The following KANK1 variants were observed in gnomAD, a reference collection of about 807,000 sequenced individuals.
KANK1 encodes KN motif and ankyrin repeat domain-containing protein 1.
Under a neutral mutation model 106.2 loss-of-function variants are expected in KANK1, and 109 were observed. That is an observed-to-expected ratio of 1.03 (90% confidence interval 0.88 to 1.20). The LOEUF is 1.20. Among genes scored for constraint, KANK1 ranks in the 50% most tolerant of loss-of-function variants. The pLI, the probability that KANK1 is intolerant of heterozygous loss-of-function variation, is 0.00. For missense variants in KANK1, 2,399 were observed against 1,710.7 expected, an observed-to-expected ratio of 1.40 and a Z score of -7.10; for synonymous variants, 873 against 652.2, an observed-to-expected ratio of 1.34 and a Z score of -5.16.
At chr9:710,137 G>A (rs898051293) in intron 2 of KANK1, among the ~76,000 whole-genome samples, 2 of 152,040 alleles carry the variant, frequency 1.3e-5, no homozygotes, top group Non-Finnish European at 2.9e-5. Flanking sequence ...TACACTAGAA[G>A]CTCAAAGCTC....
Position 745,426 on chromosome 9 carries a change from G to A in KANK1, c.*191G>A, listed in dbSNP as rs899382256. On this transcript the variant is annotated 3_prime_UTR_variant, in exon 12 of 12. Transcript: ENST00000382297. ...GCCTGGGCACACACACCTCCTTTCTGGCCGTCTTCTGTGTAGGGCACACTT... is the reference window on the plus strand; with the variant it reads ...GCCTGGGCACACACACCTCCTTTCTAGCCGTCTTCTGTGTAGGGCACACTT... The A allele has an allele frequency of 1.2e-5, 7 of 594,530 alleles. No individual in the cohort carries two copies. The highest frequency in any genetic ancestry group is 1.8e-5 in the Non-Finnish European group (6 of 340,150). 36.8% of individuals were successfully genotyped at this position (594,530 alleles called of 1,614,324 possible).
intron 1 of KANK1, among the ~76,000 whole-genome samples, chr9:551,814 A>G (rs541573256): frequency 6.6e-5 from 10 of 152,136 alleles, no homozygotes; most frequent in Admixed American, 5.9e-4. Context: ...TTGAGAGGCC[A>G]AGGCAGGAGG....
intron 11 of KANK1, 49 bp downstream of exon 11, chr9:744,638 C>T: frequency 6.2e-7 from 1 of 1,613,912 alleles, no homozygotes. Flanking sequence ...ATCCACCAGA[C>T]TGGTGGACCC....
chr9:591,189 T>C (rs1479617150), intron 1 of KANK1, among the ~76,000 whole-genome samples: 1 of 151,958 alleles, frequency 6.6e-6, no homozygotes, highest in African/African-American at 2.4e-5. Flanking sequence ...TAAATGTCTT[T>C]TATTATAAAA....
intron 2 of KANK1, among the ~76,000 whole-genome samples, chr9:472,933 C>G (rs1307247978): frequency 3.3e-5 from 5 of 152,174 alleles, no homozygotes; most frequent in African/African-American, 1.2e-4. Context: ...GTAGAAGAAC[C>G]CAGCTCAGAT....
intron 1 of KANK1, among the ~76,000 whole-genome samples, chr9:621,204 T>C (rs768776720): frequency 6.6e-6 from 1 of 152,194 alleles, no homozygotes; most frequent in Non-Finnish European, 1.5e-5. Flanking sequence ...AGAAAACTGA[T>C]AGCTATCACA....
chr9:703,683 T>C (rs979921340), intron 2 of KANK1, among the ~76,000 whole-genome samples: 3 of 152,200 alleles, frequency 2.0e-5, no homozygotes, highest in Admixed American at 2.0e-4. Context: ...TAAGAGTCTC[T>C]TTATAACCCA....
At position 744,608 on chromosome 9, in the gene KANK1, G is replaced by T. The variant is rs774047079; in HGVS notation, c.3996+19G>T. On this transcript the variant is annotated intron_variant, in intron 11 of 11. Coordinates refer to ENST00000382297, the MANE Select transcript of KANK1 (RefSeq NM_015158.5). Reference sequence around the variant, plus strand: ...GTCTCCGGTCAGTGTTGTGCATTTGGCATTTGTAAATAGGCTGAAATCCAC... The same window carrying T: ...GTCTCCGGTCAGTGTTGTGCATTTGTCATTTGTAAATAGGCTGAAATCCAC... 3 of 1,614,060 alleles carry T rather than the reference G, an allele frequency of 1.9e-6. No individual in the cohort carries two copies. The Admixed American group carries it at 5.0e-5, about 27-fold the overall frequency.
At chr9:615,763 T>C (rs1563866151) in intron 1 of KANK1, among the ~76,000 whole-genome samples, 1 of 152,226 alleles carries the variant, frequency 6.6e-6, no homozygotes, top group African/African-American at 2.4e-5. Context: ...CTTTGACATT[T>C]AAAGACAGAA....
chr9:508,297 C>G (rs909869948), intron 1 of KANK1, among the ~76,000 whole-genome samples: 2 of 151,510 alleles, frequency 1.3e-5, no homozygotes, highest in East Asian at 3.9e-4. Flanking sequence ...GCCACCATGC[C>G]CGGCTAATTT....
At chr9:696,300 C>A (rs554204259) in intron 2 of KANK1, among the ~76,000 whole-genome samples, 4 of 149,230 alleles carry the variant, frequency 2.7e-5, no homozygotes, top group Non-Finnish European at 5.9e-5. Flanking sequence ...AAAAAAAAAA[C>A]TGCTTGACTT....
intron 8 of KANK1, among the ~76,000 whole-genome samples, chr9:739,995 G>C (rs928807530): frequency 2.0e-5 from 3 of 152,034 alleles, no homozygotes; most frequent in African/African-American, 7.2e-5. Context: ...GGGATCTTAA[G>C]GTAAATGTTC....
chr9:659,453 A>G (rs12340109), intron 1 of KANK1, among the ~76,000 whole-genome samples: 23,703 of 152,094 alleles, frequency 0.16, 2,630 homozygotes, highest in East Asian at 0.33. Flanking sequence ...TGGATTTCTA[A>G]TAAGTTCCCA....
chr9:608,864 G>A (rs79208111), intron 1 of KANK1, among the ~76,000 whole-genome samples: 1,675 of 152,222 alleles, frequency 0.011, 27 homozygotes, highest in Non-Finnish European at 0.018. Context: ...AGTGGGATAA[G>A]GCCATGGTGA....
intron 1 of KANK1, among the ~76,000 whole-genome samples, chr9:607,071 G>T (rs749702091): frequency 2.0e-5 from 3 of 151,690 alleles, no homozygotes; most frequent in Admixed American, 1.3e-4. Flanking sequence ...TTTAAAACAG[G>T]GTCTTAGACT....
intron 1 of KANK1, among the ~76,000 whole-genome samples, chr9:512,791 T>G (rs1293124821): frequency 1.3e-5 from 2 of 152,144 alleles, no homozygotes; most frequent in African/African-American, 4.8e-5. Context: ...AATTTGACAG[T>G]GTCTGTTAAC....
At chr9:658,901 ATGT>A (rs1308839555) in intron 1 of KANK1, among the ~76,000 whole-genome samples, 1 of 152,060 alleles carries the variant, frequency 6.6e-6, no homozygotes, top group Non-Finnish European at 1.5e-5. Context: ...CTTAGTTTCA[ATGT>A]TGTTTCCGTG....
intron 3 of KANK1, chr9:488,945 T>C (rs1337595911): frequency 6.6e-6 from 1 of 152,124 alleles, no homozygotes; most frequent in Non-Finnish European, 1.5e-5. Flanking sequence ...GTTAGGAGAC[T>C]TCACCTAGTA....
chr9:615,378 C>T (rs1831558205), intron 1 of KANK1, among the ~76,000 whole-genome samples: 1 of 152,074 alleles, frequency 6.6e-6, no homozygotes, highest in African/African-American at 2.4e-5. Context: ...TTCCTTTTTG[C>T]TAGAATTCCC....
Sources: gnomAD v4.1 joint callset for allele counts (sites outside exome capture counted in the v4.1 genomes callset) on GRCh38, gnomAD v4.1.1 for gene constraint, MANE v1.5 for transcripts, NCBI Gene and HGNC (gene_info 2026-07-23, HGNC 2026-07-21) for gene names.